The following ZNF516 variants were observed in gnomAD, a reference collection of about 807,000 sequenced individuals.
ZNF516 encodes zinc finger protein 516.
In ZNF516, 19 loss-of-function variants were observed where a neutral mutation model predicts 79.7. The observed-to-expected ratio is 0.24, with a 90% CI of 0.17 to 0.35. The LOEUF (loss-of-function observed/expected upper bound fraction) is 0.35, where lower values mean the gene tolerates loss of function less well. ZNF516 is among the 10% of genes least tolerant of loss of function. ZNF516 has a pLI of 1.00. For synonymous variants in ZNF516, 877 were observed against 739.5 expected, an observed-to-expected ratio of 1.19 and a Z score of -3.02; for missense variants, 1,678 against 1,679.5, an observed-to-expected ratio of 1.00 and a Z score of 0.02.
At chr18:76,492,652 C>G in intron 1 of ZNF516, 2 of 930,294 alleles carry the variant, frequency 2.1e-6, no homozygotes, top group Non-Finnish European at 2.6e-6. Context: ...CAAAAACGCA[C>G]CAGGGCGCGC....
intron 3 of ZNF516, among the ~76,000 whole-genome samples, chr18:76,404,810 TGTGTGCACGA>T (rs1459934873): frequency 1.3e-5 from 2 of 150,958 alleles, no homozygotes; most frequent in African/African-American, 2.4e-5. Flanking sequence ...CATGTTAGCA[TGTGTGCACGA>T]GTTTGCATGT....
intron 3 of ZNF516, among the ~76,000 whole-genome samples, chr18:76,423,889 CG>C (rs2075549125): frequency 9.5e-6 from 1 of 105,010 alleles, no homozygotes; most frequent in Non-Finnish European, 2.1e-5. Context: ...AAGGTTCCCC[CG>C]AAACACACGC....
At chr18:76,405,939 C>T (rs763208922) in intron 3 of ZNF516, among the ~76,000 whole-genome samples, 8 of 152,116 alleles carry the variant, frequency 5.3e-5, no homozygotes, top group Non-Finnish European at 1.2e-4. Context: ...GGCTTCTGCA[C>T]GGACTGATCA....
At chr18:76,441,190 G>C (rs59762437) in intron 3 of ZNF516, 55 bp downstream of exon 3, 3 of 1,552,746 alleles carry the variant, frequency 1.9e-6, no homozygotes, top group Admixed American at 2.0e-5. Context: ...CTGGAAGCAG[G>C]AACCCCCTGA....
intron 3 of ZNF516, among the ~76,000 whole-genome samples, chr18:76,392,012 C>T (rs1242603108): frequency 1.3e-5 from 2 of 152,228 alleles, no homozygotes; most frequent in Non-Finnish European, 2.9e-5. Context: ...TGCCGCGGCT[C>T]ACAACGCCGC....
At chr18:76,422,101 A>C (rs1207955636) in intron 3 of ZNF516, among the ~76,000 whole-genome samples, 1 of 152,252 alleles carries the variant, frequency 6.6e-6, no homozygotes, top group Admixed American at 6.5e-5. Flanking sequence ...CAGGGTATCT[A>C]TGCTAGTATC....
intron 1 of ZNF516, among the ~76,000 whole-genome samples, chr18:76,485,920 A>G (rs987441872): frequency 6.6e-6 from 1 of 150,886 alleles, no homozygotes; most frequent in Non-Finnish European, 1.5e-5. Flanking sequence ...TGACAAAAAT[A>G]ATAATAATAA....
upstream of ZNF516, chr18:76,495,737 C>T (rs920172468): frequency 1.4e-5 from 17 of 1,173,940 alleles, no homozygotes; most frequent in Admixed American, 3.8e-5. Flanking sequence ...GGTACCTGGG[C>T]ACTGCGCCCC....
At position 76,441,327 on chromosome 18, in the gene ZNF516, G is replaced by C; in HGVS notation, c.1728C>G (p.Ala576=). The change falls in exon 3 of 7, where the codon GCC becomes GCG. Residue 576 remains alanine, a synonymous_variant. Coordinates refer to ENST00000443185, the MANE Select transcript of ZNF516 (RefSeq NM_014643.4). ...SQPSSPGSAC[A]AADSPGSGLA... is the part of the protein sequence containing the mutation. ...GGCCAGAGCCCGGGGAGTCAGCAGCGGCACAGGCGGAGCCAGGGCTGCTGG... is the reference window on the plus strand; with the variant it reads ...GGCCAGAGCCCGGGGAGTCAGCAGCCGCACAGGCGGAGCCAGGGCTGCTGG... 1 of 1,611,732 alleles carries C rather than the reference G, an allele frequency of 6.2e-7. No individual in the cohort carries two copies. The highest frequency in any genetic ancestry group is 1.1e-5 in the South Asian group (1 of 90,986).
chr18:76,365,425 T>A (rs747473602), intron 6 of ZNF516, among the ~76,000 whole-genome samples: 4 of 152,172 alleles, frequency 2.6e-5, no homozygotes, highest in Non-Finnish European at 5.9e-5. Flanking sequence ...ACAAAAAAAA[T>A]CAATTTCTCT....
At chr18:76,366,807 A>G (rs1253553306) in intron 6 of ZNF516, among the ~76,000 whole-genome samples, 4 of 152,252 alleles carry the variant, frequency 2.6e-5, no homozygotes, top group Non-Finnish European at 5.9e-5. Context: ...CAGCAAGTAT[A>G]CAAAATAAGC....
intron 3 of ZNF516, among the ~76,000 whole-genome samples, chr18:76,433,338 G>A (rs958916107): frequency 4.6e-5 from 7 of 152,164 alleles, no homozygotes; most frequent in African/African-American, 7.2e-5. Context: ...TGTTCTCAGC[G>A]TGAGTCCTGC....
chr18:76,376,226 T>C (rs896280073), intron 4 of ZNF516, among the ~76,000 whole-genome samples: 4 of 152,206 alleles, frequency 2.6e-5, no homozygotes, highest in Non-Finnish European at 5.9e-5. Context: ...AGGCGTCCCA[T>C]CTGGAGATGC....
intron 3 of ZNF516, among the ~76,000 whole-genome samples, chr18:76,396,779 A>C (rs1170555345): frequency 2.0e-5 from 3 of 152,208 alleles, no homozygotes; most frequent in African/African-American, 7.2e-5. Flanking sequence ...ACTGTGGAGA[A>C]GAGAGGCCAT....
intron 1 of ZNF516, among the ~76,000 whole-genome samples, chr18:76,484,187 T>C (rs1226339733): frequency 2.6e-5 from 4 of 152,214 alleles, no homozygotes; most frequent in Non-Finnish European, 5.9e-5. Flanking sequence ...AAGGCTAAGC[T>C]GGGAATCAGG....
intron 2 of ZNF516, among the ~76,000 whole-genome samples, chr18:76,449,152 C>T (rs1261061257): frequency 1.3e-5 from 2 of 152,206 alleles, no homozygotes; most frequent in African/African-American, 4.8e-5. Flanking sequence ...CCAAAGCCAT[C>T]GTTCCAGAGC....
intron 3 of ZNF516, chr18:76,386,407 G>A (rs2074993391): frequency 6.6e-6 from 1 of 152,242 alleles, no homozygotes. Context: ...ATTCGTCAGT[G>A]ACATCTCTGA....
chr18:76,439,141 A>G (rs1372943665), intron 3 of ZNF516, among the ~76,000 whole-genome samples: 1 of 152,244 alleles, frequency 6.6e-6, no homozygotes, highest in African/African-American at 2.4e-5. Context: ...CCTGTGAAAG[A>G]CCTGGGCCAA....
At chr18:76,433,349 G>C (rs1180407197) in intron 3 of ZNF516, among the ~76,000 whole-genome samples, 1 of 152,166 alleles carries the variant, frequency 6.6e-6, no homozygotes, top group South Asian at 2.1e-4. Flanking sequence ...TGAGTCCTGC[G>C]GGGCCCTCAA....
Sources: gnomAD v4.1 joint callset for allele counts (sites outside exome capture counted in the v4.1 genomes callset) on GRCh38, gnomAD v4.1.1 for gene constraint, MANE v1.5 for transcripts, NCBI Gene and HGNC (gene_info 2026-07-23, HGNC 2026-07-21) for gene names.